ATP2A3: variants seen among roughly 807,000 people sequenced by gnomAD.
ATP2A3 encodes ATPase sarcoplasmic/endoplasmic reticulum Ca2+ transporting 3.
Under a neutral mutation model 106.8 loss-of-function variants are expected in ATP2A3, and 61 were observed. That is an observed-to-expected ratio of 0.57 (90% CI 0.46 to 0.71). The LOEUF (loss-of-function observed/expected upper bound fraction) is 0.71, where lower values mean the gene tolerates loss of function less well. Ranked by LOEUF, ATP2A3 falls within the 30% of genes least tolerant of loss-of-function variation. The probability of loss-of-function intolerance (pLI) is 0.00; values close to 1 mark genes in which losing one functional copy is unlikely to be tolerated. For missense variants in ATP2A3, 1,201 were observed against 1,423.5 expected (o/e 0.84, Z 2.52); for synonymous variants, 611 against 609.3 (o/e 1.00, Z -0.04).
intron 7 of ATP2A3, among the ~76,000 whole-genome samples, chr17:3,948,866 C>T (rs2054262168): frequency 6.6e-6 from 1 of 152,068 alleles, no homozygotes; most frequent in Non-Finnish European, 1.5e-5. Flanking sequence ...CAGTGGCTCA[C>T]ACCTGTAATC....
chr17:3,959,476 A>G (rs1225966882), intron 1 of ATP2A3, among the ~76,000 whole-genome samples: 1 of 152,230 alleles, frequency 6.6e-6, no homozygotes, highest in Non-Finnish European at 1.5e-5. Context: ...CTGAGCCCAC[A>G]GTCCAGAGCC....
chr17:3,931,767 C>A (rs1040055515), intron 17 of ATP2A3, among the ~76,000 whole-genome samples: 1 of 152,102 alleles, frequency 6.6e-6, no homozygotes, highest in Non-Finnish European at 1.5e-5. Context: ...GTGATCCGCC[C>A]GCCTTGGCCT....
In ATP2A3 at chr17:3,933,932, TTTC is replaced by T. The variant is rs200963822; in HGVS notation, c.2610+1257_2610+1259del. On this transcript the variant is annotated intron_variant, in intron 17 of 20. Coordinates refer to ENST00000397041, the MANE Select transcript of ATP2A3 (RefSeq NM_005173.4). The stretch of plus-strand genomic sequence containing the variant: ...GTTTGGTTTTCTTTTCTTTTCTTTT[TTTC>T]TTTTTTGAGACTGCGTCTTGCTCTG... Among the ~76,000 whole-genome samples the T allele has an allele frequency of 7.9e-4, 115 of 144,892 alleles. 4 individuals are homozygous for T. Among genetic ancestry groups the T allele is most frequent in the African/African-American group, 2.7e-3 (99 of 37,304 alleles).
At position 3,928,272 on chromosome 17, in the gene ATP2A3, C is replaced by T. The variant is rs201614490; in HGVS notation, c.2980+391G>A. ...GGTCTGGGGTCCAAGAGGTGGTCAG[C>T]GGCTGCCTACTCCAGGCCTGCGAGA... On this transcript the variant is annotated intron_variant, in intron 20 of 20. Coordinates refer to ENST00000397041, the MANE Select transcript of ATP2A3 (RefSeq NM_005173.4). This position sits in a 1 kb window ranked among gnomAD's most constrained non-coding sequence, Gnocchi z 6.1. The T allele has an allele frequency of 2.4e-5, 38 of 1,613,292 alleles. No individual in the cohort carries two copies. Among genetic ancestry groups the T allele is most frequent in the Non-Finnish European group, 3.0e-5 (35 of 1,180,032 alleles).
chr17:3,947,878 A>C lies in ATP2A3; in HGVS notation c.631-23T>G. ...GCCCTGGCCAGGGGAGGGACAAGGAAAAAGCTGCTCAGCAGCCAACCAGGG... is the reference window on the plus strand; with the variant it reads ...GCCCTGGCCAGGGGAGGGACAAGGACAAAGCTGCTCAGCAGCCAACCAGGG... On this transcript the variant is annotated intron_variant, in intron 7 of 20. Transcript: ENST00000397041. The surrounding 1 kb of genome is among the most constrained non-coding windows in gnomAD (Gnocchi z 7.7). The C allele has an allele frequency of 6.3e-7, 1 of 1,597,662 alleles. No individual in the cohort carries two copies. The highest frequency in any genetic ancestry group is 1.3e-5 in the African/African-American group (1 of 75,056).
chr17:3,945,259 A>C (rs2054048560), intron 8 of ATP2A3, 111 bp from the exon 9 acceptor site: 6 of 1,044,198 alleles, frequency 5.7e-6, no homozygotes, highest in Non-Finnish European at 8.3e-6. Context: ...CCGAGGGCCA[A>C]ACCGGCCTGG....
Position 3,930,830 on chromosome 17 carries a change from G to A in ATP2A3, c.2611-396C>T, listed in dbSNP as rs1194917408. ...TTGCGGTATAGAAGATGAAGGCTAC[G>A]CAGGCCCTGTTCACTGTTATTAAGA... On this transcript the variant is annotated intron_variant, in intron 17 of 20. Coordinates refer to ENST00000397041, the MANE Select transcript of ATP2A3 (RefSeq NM_005173.4). The surrounding 1 kb of genome is among the most constrained non-coding windows in gnomAD (Gnocchi z 5.4). 9.1e-5 allele frequency: 32 copies of A among 351,084 alleles called. No individual in the cohort carries two copies. The highest frequency in any genetic ancestry group is 1.4e-4 in the Non-Finnish European group (25 of 178,912). The allele number at this position is 351,084 out of a possible 1,614,324, so 21.7% of individuals were successfully genotyped here.
At chr17:3,944,072 C>G (rs777459559) in intron 10 of ATP2A3, among the ~76,000 whole-genome samples, 16 of 152,280 alleles carry the variant, frequency 1.1e-4, no homozygotes, top group Non-Finnish European at 1.9e-4. Flanking sequence ...ACCTTCTCCC[C>G]TCTCCCCAAG....
Position 3,953,542 on chromosome 17 carries a change from G to T in ATP2A3, c.137-113C>A. The T allele has an allele frequency of 6.7e-7, 1 of 1,494,416 alleles. No individual in the cohort carries two copies. The highest frequency in any genetic ancestry group is 1.2e-5 in the South Asian group (1 of 86,170). 92.6% of individuals were successfully genotyped at this position (1,494,416 alleles called of 1,614,324 possible). ...CATTCCCTCCCTGCACTCAGAAGAGGGAGAACCCAGGTCGCTGAGAGGCTC... is the reference window on the plus strand; with the variant it reads ...CATTCCCTCCCTGCACTCAGAAGAGTGAGAACCCAGGTCGCTGAGAGGCTC... On this transcript the variant is annotated intron_variant, in intron 2 of 20. Transcript: ENST00000397041. The surrounding 1 kb of genome is among the most constrained non-coding windows in gnomAD (Gnocchi z 5.1).
rs764000208 is a variant in ATP2A3 at position 3,928,196 on chromosome 17, C to T, written c.2980+467G>A. 3.1e-6 allele frequency: 5 copies of T among 1,610,566 alleles called. No homozygotes were observed. Among genetic ancestry groups the T allele is most frequent in the Non-Finnish European group, 4.2e-6 (5 of 1,177,156 alleles). ...CCCAGAGCTGTGAGCTCAGAAACAA[C>T]CCTCCCCTTGACCCACCCACAAGGT... On this transcript the variant is annotated intron_variant, in intron 20 of 20. Transcript: ENST00000397041. The surrounding 1 kb of genome is among the most constrained non-coding windows in gnomAD (Gnocchi z 6.1).
At chr17:3,951,501 G>T in intron 4 of ATP2A3, 80 bp downstream of exon 4, 1 of 1,574,132 alleles carries the variant, frequency 6.4e-7, no homozygotes, top group East Asian at 2.3e-5. Context: ...AGAGTCTGCA[G>T]GACGCCAGCA....
At chr17:3,950,163 T>A (rs74794622) in intron 7 of ATP2A3, among the ~76,000 whole-genome samples, 32,359 of 99,000 alleles carry the variant, frequency 0.33, 3,892 homozygotes, top group Middle Eastern at 0.42. Context: ...AAAAAAAATA[T>A]TTTTTTTTTT....
intron 14 of ATP2A3, among the ~76,000 whole-genome samples, chr17:3,938,657 T>C (rs2053577006): frequency 6.6e-6 from 1 of 151,626 alleles, no homozygotes; most frequent in Non-Finnish European, 1.5e-5. Context: ...GCAATTCTCG[T>C]GCCTCAGCCT....
rs1309695888 is a variant in ATP2A3 at position 3,953,396 on chromosome 17, A to G, written c.170T>C (p.Phe57Ser). ...KSLWELVLEQ[F>S]EDLLVRILLL... is the part of the protein sequence containing the mutation. ...CAGGATGCGCACCAGGAGGTCCTCAAACTGTTCCAGCACCAGCTCCCACAG... is the reference window on the plus strand; with the variant it reads ...CAGGATGCGCACCAGGAGGTCCTCAGACTGTTCCAGCACCAGCTCCCACAG... The change falls in exon 3 of 21, where the codon TTT becomes TCT. Residue 57 changes from phenylalanine (F) to serine (S), a missense_variant. By Grantham distance (155) the Phe-to-Ser change is radical. Coordinates refer to ENST00000397041, the MANE Select transcript of ATP2A3 (RefSeq NM_005173.4). This position sits in a 1 kb window ranked among gnomAD's most constrained non-coding sequence, Gnocchi z 5.1. 9.9e-6 allele frequency: 16 copies of G among 1,613,922 alleles called. No individual in the cohort carries two copies. Among genetic ancestry groups the G allele is most frequent in the Non-Finnish European group, 1.3e-5 (15 of 1,180,018 alleles).
In ATP2A3 at chr17:3,936,123, C is replaced by T; in HGVS notation, c.2524+144G>A. On this transcript the variant is annotated intron_variant, in intron 16 of 20. Coordinates refer to ENST00000397041, the MANE Select transcript of ATP2A3 (RefSeq NM_005173.4). The surrounding 1 kb of genome is among the most constrained non-coding windows in gnomAD (Gnocchi z 5.4). Reference sequence around the variant, plus strand: ...AGTGATACTGAGACCCAGATCCCGCCATGCCTGGTCTTTTCCATTACATGA... The same window carrying T: ...AGTGATACTGAGACCCAGATCCCGCTATGCCTGGTCTTTTCCATTACATGA... 9.2e-7 allele frequency: 1 copy of T among 1,091,434 alleles called. No individual in the cohort carries two copies. Among genetic ancestry groups the T allele is most frequent in the Non-Finnish European group, 1.4e-6 (1 of 730,532 alleles). The allele number at this position is 1,091,434 out of a possible 1,614,324, so 67.6% of individuals were successfully genotyped here.
intron 1 of ATP2A3, among the ~76,000 whole-genome samples, chr17:3,960,417 G>A (rs1027504851): frequency 6.6e-5 from 10 of 152,240 alleles, no homozygotes; most frequent in South Asian, 2.1e-4. Flanking sequence ...CATGGGCCGC[G>A]TGTGGCCCGG....
At chr17:3,942,771 C>G in intron 11 of ATP2A3, 40 bp from the exon 12 acceptor site, 1 of 1,607,544 alleles carries the variant, frequency 6.2e-7, no homozygotes. Flanking sequence ...AGGACAGAGC[C>G]AGCAACTCTC....
At position 3,923,968 on chromosome 17, in the gene ATP2A3, A is replaced by G. The variant is rs957513858; in HGVS notation, c.*1454T>C. ...TGCTAAGACCTCCCCACCTCCCCCC[A>G]GGAAAGAAGCAGAGAATCTCTGCAG... On this transcript the variant is annotated 3_prime_UTR_variant, in exon 21 of 21. Transcript: ENST00000397041. 1.3e-5 allele frequency: 2 copies of G among 152,216 alleles called. No homozygotes were observed. The highest frequency in any genetic ancestry group is 6.5e-5 in the Admixed American group (1 of 15,278). 9.4% of individuals were successfully genotyped at this position (152,216 alleles called of 1,614,324 possible).
chr17:3,963,749 G>A (rs1243994543), intron 1 of ATP2A3, among the ~76,000 whole-genome samples: 2 of 152,216 alleles, frequency 1.3e-5, no homozygotes, highest in Admixed American at 6.5e-5. Context: ...GGGAGACCCT[G>A]GGGCCAGCTG....
Sources: gnomAD v4.1 joint callset for allele counts (sites outside exome capture counted in the v4.1 genomes callset) on GRCh38, gnomAD v4.1.1 for gene constraint, Gnocchi (gnomAD v3.1) non-coding constraint, MANE v1.5 for transcripts, NCBI Gene and HGNC (gene_info 2026-07-23, HGNC 2026-07-21) for gene names.